THAP8: variants seen among roughly 807,000 people sequenced by gnomAD.
The protein encoded by THAP8 is THAP domain-containing protein 8.
In THAP8, 24 loss-of-function variants were observed where a neutral mutation model predicts 25.0. That is an observed-to-expected ratio of 0.96 (90% confidence interval 0.69 to 1.35). The LOEUF (loss-of-function observed/expected upper bound fraction) is 1.35, where lower values mean the gene tolerates loss of function less well. THAP8 is among the 40% of genes most tolerant of loss of function. The pLI, the probability that THAP8 is intolerant of heterozygous loss-of-function variation, is 0.00. For missense variants in THAP8, 399 were observed against 368.8 expected, an observed-to-expected ratio of 1.08 and a Z score of -0.67; for synonymous variants, 169 against 157.6, an observed-to-expected ratio of 1.07 and a Z score of -0.54.
intron 3 of THAP8, among the ~76,000 whole-genome samples, chr19:36,036,271 A>AC (rs1969439801): frequency 3.8e-5 from 3 of 79,714 alleles, no homozygotes; most frequent in Non-Finnish European, 6.7e-5. Flanking sequence ...GAAAGACCAG[A>AC]CTTTTTTTTT....
At chr19:36,044,690 A>G (rs1392397992) in intron 1 of THAP8, among the ~76,000 whole-genome samples, 1 of 152,130 alleles carries the variant, frequency 6.6e-6, no homozygotes, top group Non-Finnish European at 1.5e-5. Context: ...CAGAGGTCTC[A>G]CTATGTTGTC....
At chr19:36,050,546 G>C (rs1461413401) in intron 1 of THAP8, among the ~76,000 whole-genome samples, 1 of 152,158 alleles carries the variant, frequency 6.6e-6, no homozygotes, top group Admixed American at 6.5e-5. Flanking sequence ...TTGCAGGATG[G>C]AGAAATGTCT....
intron 3 of THAP8, 59 bp downstream of exon 3, chr19:36,039,262 AAC>A (rs1466898186): frequency 5.7e-6 from 8 of 1,398,932 alleles, no homozygotes; most frequent in Non-Finnish European, 7.4e-6. Context: ...ACAAAATGAA[AAC>A]ACACTGCAGG....
At chr19:36,048,372 T>C (rs1969944622) in intron 1 of THAP8, among the ~76,000 whole-genome samples, 1 of 150,840 alleles carries the variant, frequency 6.6e-6, no homozygotes, top group African/African-American at 2.4e-5. Flanking sequence ...TCATTTCTTT[T>C]TTTTTTTTTT....
upstream of THAP8, chr19:36,054,442 C>G: frequency 1.7e-6 from 1 of 603,768 alleles, no homozygotes; most frequent in East Asian, 2.8e-5. Flanking sequence ...ATAGCGAGTA[C>G]TGTGCACCTG....
chr19:36,048,905 A>G lies in THAP8; in HGVS notation c.83+5230T>C, dbSNP rs187105549. Among the ~76,000 whole-genome samples, 6 of 151,734 alleles carry G rather than the reference A, an allele frequency of 4.0e-5. No homozygotes were observed. The East Asian group carries it at 1.2e-3, about 29-fold the overall frequency. ...TTGTAGTAAGCCACTGAGATTTGAG[A>G]AGTTTGTTTGTGCAGCATAACTTAA... On this transcript the variant is annotated intron_variant, in intron 1 of 3. Transcript: ENST00000292894.
intron 1 of THAP8, among the ~76,000 whole-genome samples, chr19:36,048,315 G>A (rs1969941995): frequency 6.6e-6 from 1 of 152,002 alleles, no homozygotes; most frequent in Admixed American, 6.6e-5. Context: ...TAAAGCAGGA[G>A]GACTGATTGA....
rs558288169 is a variant in THAP8, at chr19:36,053,905, C to G, written c.83+230G>C. Among the ~76,000 whole-genome samples, 6 of 152,312 alleles carry G rather than the reference C, an allele frequency of 3.9e-5. No individual in the cohort carries two copies. The South Asian group carries it at 1.2e-3, about 32-fold the overall frequency. On this transcript the variant is annotated intron_variant, in intron 1 of 3. Coordinates refer to ENST00000292894, the MANE Select transcript of THAP8 (RefSeq NM_152658.3). Reference sequence around the variant, plus strand: ...CTTCACTTCTTACATCCCTTTCACTCTTCGGCTCGCTTCGCTCGCTATCTG... The same window carrying G: ...CTTCACTTCTTACATCCCTTTCACTGTTCGGCTCGCTTCGCTCGCTATCTG...
intron 1 of THAP8, among the ~76,000 whole-genome samples, chr19:36,042,461 T>C (rs2145439591): frequency 6.6e-6 from 1 of 152,214 alleles, no homozygotes; most frequent in Non-Finnish European, 1.5e-5. Context: ...TGAAATCTTG[T>C]CTCTACAAAA....
In THAP8 at chr19:36,039,926, G is replaced by A. The variant is rs1171022188; in HGVS notation, c.276+18C>T. 1 of 1,611,540 alleles carries A rather than the reference G, an allele frequency of 6.2e-7. No individual in the cohort carries two copies. The highest frequency in any genetic ancestry group is 1.1e-5 in the South Asian group (1 of 91,018). On this transcript the variant is annotated intron_variant, in intron 2 of 3. Coordinates refer to ENST00000292894, the MANE Select transcript of THAP8 (RefSeq NM_152658.3). ...GTCTGGGGGTTGGATTCCAGCAGCA[G>A]GACCTCCCAGCGCTCACCTTGGCAG...
chr19:36,035,720 G>A lies in THAP8; in HGVS notation c.673-128C>T, dbSNP rs148413259. 35 of 1,072,744 alleles carry A rather than the reference G, an allele frequency of 3.3e-5. No homozygotes were observed. In the Middle Eastern group the frequency reaches 1.5e-3, roughly 46 times the overall value. 66.5% of individuals were successfully genotyped at this position (1,072,744 alleles called of 1,614,324 possible). A position where few individuals can be genotyped will look rare whatever the true frequency, so the allele number is the denominator to read the frequency against. On this transcript the variant is annotated intron_variant, in intron 3 of 3. Transcript: ENST00000292894. ...CGTGTCAGGAAACAGAGAGAGATGTGGGGAGAGATATGAGGAGACAGGAAA... is the reference window on the plus strand; with the variant it reads ...CGTGTCAGGAAACAGAGAGAGATGTAGGGAGAGATATGAGGAGACAGGAAA...
chr19:36,042,005 G>A (rs1969708490), intron 1 of THAP8, among the ~76,000 whole-genome samples: 1 of 151,980 alleles, frequency 6.6e-6, no homozygotes, highest in Non-Finnish European at 1.5e-5. Context: ...GATTGCTTAA[G>A]CTCAGGAATT....
upstream of THAP8, chr19:36,054,515 G>A (rs1970230828): frequency 1.4e-5 from 8 of 567,692 alleles, no homozygotes; most frequent in South Asian, 1.6e-4. Flanking sequence ...GCGGCGTCAC[G>A]GCGTTTCTGA....
intron 1 of THAP8, among the ~76,000 whole-genome samples, chr19:36,053,875 A>C (rs1251102999): frequency 6.6e-6 from 1 of 152,122 alleles, no homozygotes; most frequent in African/African-American, 2.4e-5. Context: ...AACAGCCTGC[A>C]CCGACTTCAC....
intron 1 of THAP8, among the ~76,000 whole-genome samples, chr19:36,051,941 C>T (rs371396267): frequency 6.6e-6 from 1 of 152,162 alleles, no homozygotes; most frequent in Admixed American, 6.6e-5. Context: ...CCTGTCAGAG[C>T]AGCAGCAGCA....
chr19:36,035,495 G>A lies in THAP8; in HGVS notation c.770C>T (p.Pro257Leu). Residue 257 changes from proline (P) to leucine (L), a missense_variant, in exon 4 of 4, where the codon CCT (proline) becomes CTT (leucine). Physicochemically the swap from Pro to Leu is moderately conservative, Grantham distance 98. Coordinates refer to ENST00000292894, the MANE Select transcript of THAP8 (RefSeq NM_152658.3). The stretch of plus-strand genomic sequence containing the variant: ...CTCCGGCTTGGCATCCACTGTGGCA[G>A]GTGCAGGGTCCTGGGCAAGGACCAT... ...IAMVLAQDPA[P>L]ATVDAKPELL... The A allele has an allele frequency of 1.2e-6, 2 of 1,614,192 alleles. No homozygotes were observed. Among genetic ancestry groups the A allele is most frequent in the Non-Finnish European group, 1.7e-6 (2 of 1,180,022 alleles).
intron 3 of THAP8, among the ~76,000 whole-genome samples, chr19:36,036,611 G>T (rs1220934654): frequency 6.6e-6 from 1 of 151,860 alleles, no homozygotes; most frequent in Non-Finnish European, 1.5e-5. Context: ...CAAACAAATT[G>T]TATCTGTGGG....
intron 1 of THAP8, among the ~76,000 whole-genome samples, chr19:36,052,744 G>C (rs1970090851): frequency 6.6e-6 from 1 of 152,192 alleles, no homozygotes; most frequent in Middle Eastern, 3.2e-3. Flanking sequence ...CTGCTTTTCT[G>C]TGTCAAAGTG....
chr19:36,039,472 G>A lies in THAP8; in HGVS notation c.523C>T (p.Pro175Ser), dbSNP rs1310603361. 6.3e-7 allele frequency: 1 copy of A among 1,597,988 alleles called. No homozygotes were observed. Among genetic ancestry groups the A allele is most frequent in the Non-Finnish European group, 8.5e-7 (1 of 1,170,950 alleles). Residue 175 changes from proline (P) to serine (S), a missense_variant, in exon 3 of 4, where the codon CCA (proline) becomes TCA (serine). Transcript: ENST00000292894. ...CGGCGTTGCAGTGCTCCCAGCACTG[G>A]GCCCAGCCCGGTCTGGGCCTGTTGG... ...PAQQAQTGLG[P>S]VLGALQRRVR...
Sources: gnomAD v4.1 joint callset for allele counts (sites outside exome capture counted in the v4.1 genomes callset) on GRCh38, gnomAD v4.1.1 for gene constraint, MANE v1.5 for transcripts, NCBI Gene and HGNC (gene_info 2026-07-23, HGNC 2026-07-21) for gene names.